CEP63: variants seen among roughly 807,000 people sequenced by gnomAD.
The protein encoded by CEP63 is centrosomal protein of 63 kDa.
Under a neutral mutation model 89.1 loss-of-function variants are expected in CEP63, and 84 were observed. The observed-to-expected ratio is 0.94, with a 90% CI of 0.79 to 1.13. The LOEUF (loss-of-function observed/expected upper bound fraction) is 1.13. Ranked by LOEUF, CEP63 falls within the 50% of genes most tolerant of loss-of-function variation. CEP63 has a pLI of 0.00. For synonymous variants in CEP63, 267 were observed against 272.5 expected (o/e 0.98, Z 0.20); for missense variants, 838 against 813.3 (o/e 1.03, Z -0.37).
chr3:134,561,630 A>C lies in CEP63; in HGVS notation c.*95A>C. On this transcript the variant is annotated 3_prime_UTR_variant, in exon 15 of 15. Transcript: ENST00000675561. Reference sequence around the variant, plus strand: ...GCTCTTTAAAAACATGAAGAGATAAAATTATAAAAATGATACATCTAAAGC... The same window carrying C: ...GCTCTTTAAAAACATGAAGAGATAACATTATAAAAATGATACATCTAAAGC... 6.5e-7 allele frequency: 1 copy of C among 1,529,690 alleles called. No individual in the cohort carries two copies. The highest frequency in any genetic ancestry group is 2.5e-5 in the East Asian group (1 of 40,664). 94.8% of individuals were successfully genotyped at this position (1,529,690 alleles called of 1,614,324 possible).
At chr3:134,566,694 A>G (rs1284286756), downstream of CEP63, among the ~76,000 whole-genome samples, 2 of 152,214 alleles carry the variant, frequency 1.3e-5, no homozygotes, top group South Asian at 2.1e-4. Flanking sequence ...GTTCAACATC[A>G]TTAGTCATCA....
chr3:134,773,811 C>G, the CEP63 span, among the ~76,000 whole-genome samples: 4 of 152,140 alleles, frequency 2.6e-5, no homozygotes, highest in African/African-American at 9.7e-5. Flanking sequence ...AGTCATCCTT[C>G]CTGTCACCAG....
chr3:134,494,092 A>ATTTATTTATT (rs1938777839), intron 1 of CEP63, among the ~76,000 whole-genome samples: 2 of 143,598 alleles, frequency 1.4e-5, no homozygotes, highest in African/African-American at 2.6e-5. Context: ...CCTTTATTTT[A>ATTTATTTATT]TATTTATTTA....
Position 134,507,193 on chromosome 3 carries a change from G to T in CEP63, c.129G>T (p.Trp43Cys), listed in dbSNP as rs1164567042. The T allele has an allele frequency of 1.2e-6, 2 of 1,613,352 alleles. No homozygotes were observed. The highest frequency in any genetic ancestry group is 2.7e-5 in the African/African-American group (2 of 74,816). ...DIMVAHKKSE[W>C]EGRTHALETC... ...TGGTGGCTCATAAAAAATCTGAATG[G>T]GAAGGACGTACACATGCTCTAGAAA... is the stretch of plus-strand genomic sequence containing the variant. The change falls in exon 3 of 15, where the codon TGG (tryptophan) becomes TGT (cysteine). Residue 43 changes from tryptophan to cysteine, a missense_variant. By Grantham distance (215) the Trp-to-Cys change is radical. Coordinates refer to ENST00000675561, the MANE Select transcript of CEP63 (RefSeq NM_001353108.3).
At position 134,564,835 on chromosome 3, in the gene CEP63, ACT is replaced by A. The variant is rs2110234880; in HGVS notation, c.*3303_*3304del. 2.0e-6 allele frequency: 2 copies of A among 985,188 alleles called. No homozygotes were observed. The highest frequency in any genetic ancestry group is 9.4e-5 in the South Asian group (2 of 21,280). The allele number at this position is 985,188 out of a possible 1,614,324, so 61.0% of individuals were successfully genotyped here. A position where few individuals can be genotyped will look rare whatever the true frequency, so the allele number is the denominator to read the frequency against. On this transcript the variant is annotated 3_prime_UTR_variant, in exon 15 of 15. Coordinates refer to ENST00000675561, the MANE Select transcript of CEP63 (RefSeq NM_001353108.3). Reference sequence around the variant, plus strand: ...TGTTGACTAGGAGGAACAATGACAGACTCTGTAGTCACCGGAAATACTTAAGG... The same window carrying A: ...TGTTGACTAGGAGGAACAATGACAGACTGTAGTCACCGGAAATACTTAAGG...
At chr3:134,657,502 T>G in the CEP63 span, among the ~76,000 whole-genome samples, 1 of 152,238 alleles carries the variant, frequency 6.6e-6, no homozygotes, top group Admixed American at 6.5e-5. Context: ...TACTAAAAAC[T>G]CTTCAAAAGC....
intron 3 of CEP63, among the ~76,000 whole-genome samples, chr3:134,527,614 G>A (rs1948936348): frequency 6.6e-6 from 1 of 152,222 alleles, no homozygotes; most frequent in Admixed American, 6.5e-5. Flanking sequence ...CATGTGGGGA[G>A]TTGCTATGGG....
intron 3 of CEP63, among the ~76,000 whole-genome samples, chr3:134,526,845 CT>C (rs1948746299): frequency 3.3e-5 from 5 of 151,924 alleles, no homozygotes; most frequent in Admixed American, 3.3e-4. Flanking sequence ...ATTCAGCCAA[CT>C]GGCTTTGTTT....
chr3:134,660,241 G>A, the CEP63 span, among the ~76,000 whole-genome samples: 12 of 152,368 alleles, frequency 7.9e-5, no homozygotes, highest in South Asian at 4.1e-4. Context: ...TCTGCCCTCC[G>A]GGCAAGGAGG....
chr3:134,739,632 C>A, the CEP63 span, among the ~76,000 whole-genome samples: 7,857 of 151,398 alleles, frequency 0.052, 264 homozygotes, highest in Middle Eastern at 0.083. Flanking sequence ...GCAAAGACAG[C>A]AATCTATAGG....
At chr3:134,667,545 C>T in the CEP63 span, among the ~76,000 whole-genome samples, 2 of 152,262 alleles carry the variant, frequency 1.3e-5, no homozygotes, top group African/African-American at 4.8e-5. Flanking sequence ...TCCTTCTCAT[C>T]TCTTAACTGG....
At chr3:134,512,342 A>G (rs1460882259) in intron 3 of CEP63, among the ~76,000 whole-genome samples, 2 of 152,196 alleles carry the variant, frequency 1.3e-5, no homozygotes, top group African/African-American at 4.8e-5. Flanking sequence ...TTTAATGGAC[A>G]TTCCTGCTGT....
chr3:134,762,481 C>T, the CEP63 span, among the ~76,000 whole-genome samples: 2 of 152,024 alleles, frequency 1.3e-5, no homozygotes, highest in Non-Finnish European at 2.9e-5. Flanking sequence ...AGAACATGAC[C>T]GTATTTCAGG....
At chr3:134,566,620 A>T (rs568823257), downstream of CEP63, among the ~76,000 whole-genome samples, 1 of 152,354 alleles carries the variant, frequency 6.6e-6, no homozygotes, top group East Asian at 1.9e-4. Flanking sequence ...TCAAAAATGG[A>T]CAAAAGATTG....
the CEP63 span, among the ~76,000 whole-genome samples, chr3:134,666,981 C>T: frequency 6.6e-6 from 1 of 152,188 alleles, no homozygotes; most frequent in Non-Finnish European, 1.5e-5. Context: ...CCCCTGTCCC[C>T]TGTGTCTTTT....
chr3:134,620,619 C>T, the CEP63 span: 2 of 661,828 alleles, frequency 3.0e-6, no homozygotes, highest in Non-Finnish European at 5.5e-6. Flanking sequence ...GTTCATCAGT[C>T]CAGTCTTCTG....
chr3:134,743,774 A>G, the CEP63 span, among the ~76,000 whole-genome samples: 9 of 152,180 alleles, frequency 5.9e-5, no homozygotes, highest in African/African-American at 2.2e-4. Flanking sequence ...TCCCCATTGG[A>G]ACAATGTCCT....
At chr3:134,500,770 C>G (rs1454958087) in intron 2 of CEP63, among the ~76,000 whole-genome samples, 2 of 152,140 alleles carry the variant, frequency 1.3e-5, no homozygotes, top group Non-Finnish European at 2.9e-5. Flanking sequence ...AATACGTTCT[C>G]TCATTCTGTA....
Position 134,574,797 on chromosome 3 carries a change from G to A in CEP63, c.1334G>A (p.Trp445Ter), listed in dbSNP as rs770619116. ...TTTTTATATTTTTTTTTGTAGAGATGGGGTTTTACCATGTTGTCCAGTCTG... is the reference window on the plus strand; with the variant it reads ...TTTTTATATTTTTTTTTGTAGAGATAGGGTTTTACCATGTTGTCCAGTCTG... The change falls in exon 12 of 12, where the codon TGG becomes TAG. Residue 445 changes from tryptophan to a stop codon, truncating the protein, a stop_gained. Coordinates refer to the CEP63 transcript ENST00000354446. LOFTEE classifies it high-confidence loss of function. 2 of 598,540 alleles carry A rather than the reference G, an allele frequency of 3.3e-6. No homozygotes were observed. Among genetic ancestry groups the A allele is most frequent in the African/African-American group, 1.9e-5 (1 of 52,998 alleles). The allele number at this position is 598,540 out of a possible 1,614,324, so 37.1% of individuals were successfully genotyped here.
Sources: gnomAD v4.1 joint callset for allele counts (sites outside exome capture counted in the v4.1 genomes callset) on GRCh38, gnomAD v4.1.1 for gene constraint, MANE v1.5 for transcripts, NCBI Gene and HGNC (gene_info 2026-07-23, HGNC 2026-07-21) for gene names.